CCDC85A: variants seen among roughly 807,000 people sequenced by gnomAD.
The protein encoded by CCDC85A is coiled-coil domain-containing protein 85A.
In CCDC85A, 38 loss-of-function variants were observed where a neutral mutation model predicts 50.2. The observed-to-expected ratio is 0.76, with a 90% confidence interval of 0.58 to 0.99. The LOEUF is 0.99. Ranked by LOEUF, CCDC85A falls within the 50% of genes least tolerant of loss-of-function variation. The pLI is 0.00. For synonymous variants in CCDC85A, 366 were observed against 301.4 expected (o/e 1.21, Z -2.22); for missense variants, 820 against 742.0 (o/e 1.11, Z -1.22).
At chr2:56,327,159 T>G (rs1028320535) in intron 2 of CCDC85A, among the ~76,000 whole-genome samples, 3 of 152,212 alleles carry the variant, frequency 2.0e-5, no homozygotes, top group African/African-American at 7.2e-5. Context: ...AATATACATA[T>G]GCCTTTAGAA....
Position 56,192,734 on chromosome 2 carries a change from A to C in CCDC85A, c.534A>C (p.Ala178=), listed in dbSNP as rs1264943255. 2.5e-6 allele frequency: 4 copies of C among 1,613,406 alleles called. No homozygotes were observed. The Admixed American group carries it at 6.7e-5, about 27-fold the overall frequency. The change falls in exon 2 of 6, where the codon GCA becomes GCC. Residue 178 remains alanine (A), a synonymous_variant. Transcript: ENST00000407595. This position sits in a 1 kb window ranked among gnomAD's most constrained non-coding sequence, Gnocchi z 4.7. ...TGCTACTAGATGAGGAGAAGGGTGC[A>C]GGCTGCGCAGGCAGCCGCTGCTCCA... ...LCVLLDEEKG[A]GCAGSRCSID...
At chr2:56,261,532 A>G (rs1670219487) in intron 2 of CCDC85A, among the ~76,000 whole-genome samples, 1 of 151,616 alleles carries the variant, frequency 6.6e-6, no homozygotes, top group Non-Finnish European at 1.5e-5. Context: ...TGTGTGCTTC[A>G]TCTTACTTAC....
intron 2 of CCDC85A, among the ~76,000 whole-genome samples, chr2:56,222,773 TTA>T (rs1305010667): frequency 6.6e-6 from 1 of 152,106 alleles, no homozygotes; most frequent in Non-Finnish European, 1.5e-5. Flanking sequence ...ATTCCAGAAT[TTA>T]TATATCCAAA....
intron 2 of CCDC85A, among the ~76,000 whole-genome samples, chr2:56,279,721 A>G (rs540101776): frequency 6.6e-6 from 1 of 152,328 alleles, no homozygotes; most frequent in South Asian, 2.1e-4. Flanking sequence ...ATTGTCCTCT[A>G]GATTCATTCC....
chr2:56,244,810 C>G (rs1669426682), intron 2 of CCDC85A, among the ~76,000 whole-genome samples: 1 of 151,916 alleles, frequency 6.6e-6, no homozygotes, highest in Non-Finnish European at 1.5e-5. Context: ...TTGAGTCTTT[C>G]CTTTGAAGCA....
At chr2:56,371,952 A>G in intron 3 of CCDC85A, among the ~76,000 whole-genome samples, 1 of 152,156 alleles carries the variant, frequency 6.6e-6, no homozygotes. Flanking sequence ...TTGTATTTCA[A>G]ATAACTTTTG....
intron 2 of CCDC85A, among the ~76,000 whole-genome samples, chr2:56,243,416 G>A (rs1669354242): frequency 6.6e-6 from 1 of 151,968 alleles, no homozygotes; most frequent in Non-Finnish European, 1.5e-5. Context: ...CTGCTATTAA[G>A]ACACTCTGAT....
chr2:56,385,916 T>C lies in CCDC85A; in HGVS notation c.*1561T>C, dbSNP rs555149141. 1.3e-5 allele frequency: 2 copies of C among 152,206 alleles called. No homozygotes were observed. Among genetic ancestry groups the C allele is most frequent in the African/African-American group, 4.8e-5 (2 of 41,512 alleles). 9.4% of individuals were successfully genotyped at this position (152,206 alleles called of 1,614,324 possible). Reference sequence around the variant, plus strand: ...TACTCTATAAAAGAAAATTGCTTGCTATATTTACACCTTCTTTCCTAGGAA... The same window carrying C: ...TACTCTATAAAAGAAAATTGCTTGCCATATTTACACCTTCTTTCCTAGGAA... On this transcript the variant is annotated 3_prime_UTR_variant, in exon 6 of 6. Coordinates refer to ENST00000407595, the MANE Select transcript of CCDC85A (RefSeq NM_001080433.2).
At chr2:56,263,541 C>G (rs1264524434) in intron 2 of CCDC85A, among the ~76,000 whole-genome samples, 1 of 152,082 alleles carries the variant, frequency 6.6e-6, no homozygotes. Flanking sequence ...TGCACTCTAG[C>G]TGTATATTGG....
At chr2:56,359,940 G>C (rs538954083) in intron 3 of CCDC85A, among the ~76,000 whole-genome samples, 5 of 152,244 alleles carry the variant, frequency 3.3e-5, no homozygotes, top group African/African-American at 1.2e-4. Context: ...GAGAACAAAG[G>C]CTAGTTCACA....
chr2:56,257,714 C>T (rs781640129), intron 2 of CCDC85A, among the ~76,000 whole-genome samples: 11 of 151,920 alleles, frequency 7.2e-5, no homozygotes, highest in East Asian at 1.9e-4. Flanking sequence ...ATCTACAAGG[C>T]GAATTAGAGA....
chr2:56,358,833 G>A (rs1165646505), intron 3 of CCDC85A, among the ~76,000 whole-genome samples: 1 of 150,434 alleles, frequency 6.6e-6, no homozygotes, highest in South Asian at 2.1e-4. Flanking sequence ...TACCCAGGTT[G>A]GAGTACAGTG....
At chr2:56,325,810 G>C (rs952110274) in intron 2 of CCDC85A, among the ~76,000 whole-genome samples, 1 of 152,100 alleles carries the variant, frequency 6.6e-6, no homozygotes, top group Non-Finnish European at 1.5e-5. Context: ...GCCCACTAAT[G>C]ACTTAGCAGA....
At chr2:56,353,062 A>T (rs1184387995) in intron 3 of CCDC85A, among the ~76,000 whole-genome samples, 2 of 152,120 alleles carry the variant, frequency 1.3e-5, no homozygotes, top group African/African-American at 4.8e-5. Context: ...TTTACACTAT[A>T]TTGGGTCTTT....
At chr2:56,224,910 A>C (rs1668479268) in intron 2 of CCDC85A, among the ~76,000 whole-genome samples, 1 of 152,176 alleles carries the variant, frequency 6.6e-6, no homozygotes. Flanking sequence ...TCATTTTCTT[A>C]CAAGCAGAAA....
At chr2:56,341,847 C>G (rs1036909621) in intron 2 of CCDC85A, among the ~76,000 whole-genome samples, 19 of 152,328 alleles carry the variant, frequency 1.2e-4, no homozygotes, top group African/African-American at 4.6e-4. Flanking sequence ...AAAATTCATT[C>G]TAACTCTAAA....
At chr2:56,221,106 A>G (rs1265196609) in intron 2 of CCDC85A, among the ~76,000 whole-genome samples, 1 of 152,012 alleles carries the variant, frequency 6.6e-6, no homozygotes, top group Non-Finnish European at 1.5e-5. Context: ...CTAGTATACC[A>G]ATGGCAAACA....
chr2:56,372,298 A>G (rs1179798715), intron 3 of CCDC85A, 46 bp from the exon 4 acceptor site: 4 of 1,457,796 alleles, frequency 2.7e-6, no homozygotes, highest in Non-Finnish European at 3.7e-6. Context: ...AGACTTGGGA[A>G]ACAGTATTTT....
At chr2:56,240,961 T>C (rs1376094569) in intron 2 of CCDC85A, among the ~76,000 whole-genome samples, 6 of 152,302 alleles carry the variant, frequency 3.9e-5, no homozygotes, top group Non-Finnish European at 2.9e-5. Flanking sequence ...CTTTTCCAAA[T>C]TGGATGCACC....
Sources: gnomAD v4.1 joint callset for allele counts (sites outside exome capture counted in the v4.1 genomes callset) on GRCh38, gnomAD v4.1.1 for gene constraint, Gnocchi (gnomAD v3.1) non-coding constraint, MANE v1.5 for transcripts, NCBI Gene and HGNC (gene_info 2026-07-23, HGNC 2026-07-21) for gene names.